Variants in RALYL observed in about 807,000 individuals in gnomAD.
RALYL encodes RALY RNA binding protein like.
RALYL carries 29 observed loss-of-function variants against 35.1 expected under a neutral mutation model. The ratio of observed to expected loss-of-function variants is 0.83; its 90% CI spans 0.61 to 1.13. The LOEUF (loss-of-function observed/expected upper bound fraction) is 1.13, where lower values mean the gene tolerates loss of function less well. Among genes scored for constraint, RALYL ranks in the 50% most tolerant of loss-of-function variants. The pLI is 0.00. For synonymous variants in RALYL, 120 were observed against 127.6 expected (o/e 0.94, Z 0.40); for missense variants, 359 against 360.4 (o/e 1.00, Z 0.03).
chr8:84,836,488 T>C (rs925132752), intron 4 of RALYL, among the ~76,000 whole-genome samples: 1 of 152,200 alleles, frequency 6.6e-6, no homozygotes, highest in Admixed American at 6.5e-5. Flanking sequence ...GAAAATAAAT[T>C]GAATATTTCA....
intron 1 of RALYL, among the ~76,000 whole-genome samples, chr8:84,296,143 A>G (rs1056492490): frequency 6.6e-6 from 1 of 152,094 alleles, no homozygotes; most frequent in African/African-American, 2.4e-5. Flanking sequence ...TCTATGTAGT[A>G]GAAGATTTTT....
At chr8:84,751,022 C>T (rs984021019) in intron 2 of RALYL, among the ~76,000 whole-genome samples, 1 of 152,144 alleles carries the variant, frequency 6.6e-6, no homozygotes, top group African/African-American at 2.4e-5. Context: ...TGTCTTTGTA[C>T]ATACCTGCTC....
chr8:84,635,157 A>G (rs28656771), intron 2 of RALYL, among the ~76,000 whole-genome samples: 4 of 149,162 alleles, frequency 2.7e-5, no homozygotes, highest in Admixed American at 6.7e-5. Flanking sequence ...TACTTTACAT[A>G]TTTTTTTTAT....
chr8:84,776,662 T>TC (rs1586166920), intron 3 of RALYL, among the ~76,000 whole-genome samples: 1 of 152,156 alleles, frequency 6.6e-6, no homozygotes, highest in South Asian at 2.1e-4. Context: ...CCAATGGCTT[T>TC]TTTTTATCAT....
intron 2 of RALYL, among the ~76,000 whole-genome samples, chr8:84,568,328 C>CTGAGAATG (rs1380045275): frequency 4.6e-5 from 7 of 151,342 alleles, no homozygotes; most frequent in African/African-American, 1.7e-4. Flanking sequence ...CGATACTTTG[C>CTGAGAATG]TGAGAATGAT....
chr8:84,889,883 C>A (rs372640547), intron 8 of RALYL, among the ~76,000 whole-genome samples: 1 of 152,092 alleles, frequency 6.6e-6, no homozygotes, highest in Non-Finnish European at 1.5e-5. Context: ...CAACTCACAC[C>A]CCCAAAGTTA....
At chr8:84,861,861 T>C (rs1838169594) in intron 5 of RALYL, among the ~76,000 whole-genome samples, 1 of 152,256 alleles carries the variant, frequency 6.6e-6, no homozygotes, top group Non-Finnish European at 1.5e-5. Flanking sequence ...TTTGTTCCTG[T>C]TCTGCAAGAT....
chr8:84,456,713 A>T (rs1048948260), intron 1 of RALYL, among the ~76,000 whole-genome samples: 1 of 152,040 alleles, frequency 6.6e-6, no homozygotes, highest in Non-Finnish European at 1.5e-5. Context: ...ACTGAGATTC[A>T]GAAGGGGAAA....
intron 1 of RALYL, among the ~76,000 whole-genome samples, chr8:84,339,394 T>A (rs1848372692): frequency 6.6e-6 from 1 of 151,852 alleles, no homozygotes; most frequent in South Asian, 2.1e-4. Context: ...AATGGCAGGA[T>A]TAGATTCTCA....
intron 2 of RALYL, among the ~76,000 whole-genome samples, chr8:84,694,776 T>C (rs953301892): frequency 3.3e-5 from 5 of 151,808 alleles, no homozygotes; most frequent in African/African-American, 1.2e-4. Context: ...AATAAATTAT[T>C]GTCTTATGAT....
chr8:84,594,611 A>G (rs1256567389), intron 2 of RALYL, among the ~76,000 whole-genome samples: 1 of 152,030 alleles, frequency 6.6e-6, no homozygotes, highest in Non-Finnish European at 1.5e-5. Flanking sequence ...TTAATATAAA[A>G]AATGTTTATA....
intron 4 of RALYL, among the ~76,000 whole-genome samples, chr8:84,819,084 A>C (rs2134207567): frequency 6.6e-6 from 1 of 152,146 alleles, no homozygotes; most frequent in East Asian, 1.9e-4. Flanking sequence ...GCAGGGAAAA[A>C]GGGATAAGGA....
At chr8:84,567,817 C>A (rs2061893455) in intron 2 of RALYL, among the ~76,000 whole-genome samples, 2 of 151,548 alleles carry the variant, frequency 1.3e-5, no homozygotes, top group African/African-American at 4.8e-5. Context: ...AACTGAGATT[C>A]CCACCAACAG....
At position 84,423,910 on chromosome 8, in the gene RALYL, G is replaced by A. The variant is rs1175889706; in HGVS notation, c.-23-105389G>A. On this transcript the variant is annotated intron_variant, in intron 1 of 8. Coordinates refer to ENST00000521268, the MANE Select transcript of RALYL (RefSeq NM_173848.7). The stretch of plus-strand genomic sequence containing the variant: ...TCTTCTGGCTTGTAGGGTTTCTGCC[G>A]AGAGATCTGCTGTTAGTCTGATGGG... 4.2e-3 allele frequency among the ~76,000 whole-genome samples: 638 copies of A among 151,650 alleles called. 2 individuals carry two copies. The highest frequency in any genetic ancestry group is 0.014 in the African/African-American group (584 of 41,322).
chr8:84,359,700 GCT>G (rs1405879093), intron 1 of RALYL, among the ~76,000 whole-genome samples: 3 of 152,112 alleles, frequency 2.0e-5, no homozygotes, highest in African/African-American at 7.2e-5. Flanking sequence ...AACAAGGCAT[GCT>G]CTGAGAGGAA....
At chr8:84,850,348 A>T (rs903959217) in intron 5 of RALYL, among the ~76,000 whole-genome samples, 1 of 152,212 alleles carries the variant, frequency 6.6e-6, no homozygotes, top group Admixed American at 6.5e-5. Context: ...CTTCAAGATC[A>T]AGAGTTTGAA....
chr8:84,765,315 G>A (rs1054094102), intron 2 of RALYL, among the ~76,000 whole-genome samples: 3 of 152,154 alleles, frequency 2.0e-5, no homozygotes, highest in Admixed American at 6.5e-5. Flanking sequence ...GAGGTAGTGG[G>A]GAAAGTTCTA....
chr8:84,813,002 C>T lies in RALYL; in HGVS notation c.365+8200C>T, dbSNP rs574914190. On this transcript the variant is annotated intron_variant, in intron 4 of 8. Transcript: ENST00000521268. ...CCTTCTGCCTGTGGTATTTTTCCCC[C>T]GCTCCTCTGGCCACCCTCCTGATGG... 7.9e-5 allele frequency among the ~76,000 whole-genome samples: 12 copies of T among 152,262 alleles called. No homozygotes were observed. The South Asian group carries it at 1.5e-3, about 18-fold the overall frequency.
intron 1 of RALYL, among the ~76,000 whole-genome samples, chr8:84,383,511 T>C (rs1163315271): frequency 6.6e-6 from 1 of 151,528 alleles, no homozygotes; most frequent in Non-Finnish European, 1.5e-5. Flanking sequence ...TTTGGAAATT[T>C]TGTGTTATTT....
Sources: gnomAD v4.1 joint callset for allele counts (sites outside exome capture counted in the v4.1 genomes callset) on GRCh38, gnomAD v4.1.1 for gene constraint, MANE v1.5 for transcripts, NCBI Gene and HGNC (gene_info 2026-07-23, HGNC 2026-07-21) for gene names.